SCN7A: variants seen among roughly 807,000 people sequenced by gnomAD.
The protein encoded by SCN7A is sodium voltage-gated channel alpha subunit 7.
In SCN7A, 138 loss-of-function variants were observed where a neutral mutation model predicts 155.2. That is an observed-to-expected ratio of 0.89 (90% CI 0.77 to 1.02). The LOEUF (loss-of-function observed/expected upper bound fraction) is 1.02, where lower values mean the gene tolerates loss of function less well. SCN7A is among the 50% of genes least tolerant of loss of function. The probability of loss-of-function intolerance (pLI) is 0.00; values close to 1 mark genes in which losing one functional copy is unlikely to be tolerated. For synonymous variants in SCN7A, 693 were observed against 649.0 expected, an observed-to-expected ratio of 1.07 and a Z score of -1.03; for missense variants, 2,058 against 1,986.6, an observed-to-expected ratio of 1.04 and a Z score of -0.68.
At chr2:166,487,679 C>G (rs1703082847) in intron 1 of SCN7A, among the ~76,000 whole-genome samples, 1 of 152,178 alleles carries the variant, frequency 6.6e-6, no homozygotes, top group Non-Finnish European at 1.5e-5. Flanking sequence ...ATAGAATTGT[C>G]GAATGTTCTA....
intron 18 of SCN7A, among the ~76,000 whole-genome samples, chr2:166,425,211 C>T (rs1701597524): frequency 1.3e-5 from 2 of 152,082 alleles, no homozygotes; most frequent in Admixed American, 1.3e-4. Context: ...CTTTTAAAAA[C>T]TCTCTTTAAG....
At chr2:166,423,226 C>T in intron 19 of SCN7A, 33 bp downstream of exon 19, 1 of 1,583,230 alleles carries the variant, frequency 6.3e-7, no homozygotes, top group Non-Finnish European at 8.6e-7. Flanking sequence ...AAAAGTAAAT[C>T]AAATAGCCTT....
At chr2:166,485,519 C>T (rs1022697281) in intron 2 of SCN7A, among the ~76,000 whole-genome samples, 1 of 152,050 alleles carries the variant, frequency 6.6e-6, no homozygotes, top group Non-Finnish European at 1.5e-5. Context: ...AGTTGAAACA[C>T]TAGAAAAGGA....
At chr2:166,461,338 AT>A (rs1269109149) in intron 10 of SCN7A, among the ~76,000 whole-genome samples, 6 of 152,182 alleles carry the variant, frequency 3.9e-5, no homozygotes. Context: ...TGCTTTGAAA[AT>A]AACACTATTT....
At chr2:166,428,653 A>G (rs1296557132) in intron 17 of SCN7A, among the ~76,000 whole-genome samples, 1 of 152,006 alleles carries the variant, frequency 6.6e-6, no homozygotes, top group African/African-American at 2.4e-5. Flanking sequence ...TTTATTTTGG[A>G]ATTTTGTCTT....
intron 24 of SCN7A, 41 bp from the exon 25 acceptor site, chr2:166,409,976 G>A (rs1381105090): frequency 2.7e-6 from 4 of 1,461,538 alleles, no homozygotes; most frequent in Non-Finnish European, 3.7e-6. Context: ...TTATTAATAG[G>A]ATACATATAC....
chr2:166,406,381 A>C lies in SCN7A; in HGVS notation c.4248T>G (p.Asn1416Lys). The change falls in exon 26 of 26, where the codon AAT becomes AAG. Residue 1416 changes from asparagine to lysine, a missense_variant. Asn to Lys is a moderately conservative substitution (Grantham distance 94, BLOSUM62 0). Coordinates refer to ENST00000643258, the MANE Select transcript of SCN7A (RefSeq NM_002976.4). ...KKEAGINDVS[N>K]FETFGNSMLC... Reference sequence around the variant, plus strand: ...GCATACTGTTGCCAAAGGTTTCAAAATTAGACACATCATTAATTCCAGCTT... The same window carrying C: ...GCATACTGTTGCCAAAGGTTTCAAACTTAGACACATCATTAATTCCAGCTT... 1.2e-6 allele frequency: 2 copies of C among 1,613,136 alleles called. No individual in the cohort carries two copies. The highest frequency in any genetic ancestry group is 2.2e-5 in the South Asian group (2 of 91,062).
rs1296762129 is a variant in SCN7A at position 166,456,967 on chromosome 2, T to C, written c.1193A>G (p.Glu398Gly). Reference protein sequence around the residue: ...LFLGILAMAYEEEKQRVGEIS... With the variant: ...LFLGILAMAYGEEKQRVGEIS... ...TTCACCAACTCTCTGCTTTTCTTCT[T>C]CATAGGCCATGGCAAGTATGCCTAA... is the stretch of plus-strand genomic sequence containing the variant. The change falls in exon 11 of 26, where the codon GAA (glutamate) becomes GGA (glycine). Residue 398 changes from glutamate (E) to glycine (G), a missense_variant. Physicochemically the swap from Glu to Gly is moderately conservative, Grantham distance 98. Transcript: ENST00000643258. 1 of 1,602,470 alleles carries C rather than the reference T, an allele frequency of 6.2e-7. No homozygotes were observed. Among genetic ancestry groups the C allele is most frequent in the Non-Finnish European group, 8.5e-7 (1 of 1,174,294 alleles).
chr2:166,487,696 A>G (rs1703083419), intron 1 of SCN7A, among the ~76,000 whole-genome samples: 4 of 152,232 alleles, frequency 2.6e-5, no homozygotes, highest in Admixed American at 2.0e-4. Flanking sequence ...TCTATTCTAT[A>G]TTAAATATAT....
intron 22 of SCN7A, 132 bp from the exon 23 acceptor site, chr2:166,412,799 GT>G: frequency 1.5e-6 from 2 of 1,328,596 alleles, no homozygotes; most frequent in Non-Finnish European, 2.0e-6. Flanking sequence ...CTTTTTTGCT[GT>G]TTGGTAAAAG....
chr2:166,445,148 T>G, intron 12 of SCN7A, 148 bp from the exon 13 acceptor site: 1 of 594,786 alleles, frequency 1.7e-6, no homozygotes, highest in Non-Finnish European at 3.0e-6. Flanking sequence ...AAACTTTGTC[T>G]CTACAAAAAA....
chr2:166,409,512 G>T (rs145202399), intron 25 of SCN7A, among the ~76,000 whole-genome samples, 153 bp downstream of exon 25: 1 of 151,960 alleles, frequency 6.6e-6, no homozygotes, highest in African/African-American at 2.4e-5. Context: ...AAGCATTCCT[G>T]TTGAAAATAA....
chr2:166,433,637 G>T (rs1701778876), intron 15 of SCN7A, among the ~76,000 whole-genome samples: 1 of 152,076 alleles, frequency 6.6e-6, no homozygotes, highest in East Asian at 1.9e-4. Flanking sequence ...TCTCACCCAA[G>T]GTGAGCAAAT....
chr2:166,437,457 T>C (rs184500816), intron 15 of SCN7A, among the ~76,000 whole-genome samples: 304 of 152,174 alleles, frequency 2.0e-3, no homozygotes, highest in African/African-American at 6.9e-3. Context: ...GCTATGGCAG[T>C]GTGGAAAAGA....
At chr2:166,414,663 C>G (rs1271680884) in intron 21 of SCN7A, 2 of 142,162 alleles carry the variant, frequency 1.4e-5, no homozygotes, top group African/African-American at 5.2e-5. Context: ...TGTGAGCTCA[C>G]CATATGTTCA....
chr2:166,430,468 T>C (rs34922318), intron 16 of SCN7A, among the ~76,000 whole-genome samples: 6,431 of 151,988 alleles, frequency 0.042, 182 homozygotes, highest in Middle Eastern at 0.12. Flanking sequence ...AACATAATAT[T>C]TGACAGTAAT....
In SCN7A at chr2:166,406,453, G is replaced by T; in HGVS notation, c.4176C>A (p.Phe1392Leu). The T allele has an allele frequency of 6.2e-7, 1 of 1,612,888 alleles. No homozygotes were observed. The highest frequency in any genetic ancestry group is 1.1e-5 in the South Asian group (1 of 91,046). ...TATACATTCCAAATACGGCATAGAT[G>T]AACATGACCAGGAAGATGAGAAGAA... ...NIILLIFLVM[F>L]IYAVFGMYNF... The change falls in exon 26 of 26, where the codon TTC becomes TTA. Residue 1392 changes from phenylalanine (F) to leucine (L), a missense_variant. By Grantham distance (22) the Phe-to-Leu change is conservative. Transcript: ENST00000643258.
chr2:166,430,878 TAAG>T (rs960826476), intron 16 of SCN7A, among the ~76,000 whole-genome samples: 2 of 152,072 alleles, frequency 1.3e-5, no homozygotes, highest in African/African-American at 2.4e-5. Context: ...ATCAATATCC[TAAG>T]TAGTCATGGG....
Position 166,429,202 on chromosome 2 carries a change from A to C in SCN7A, c.2665T>G (p.Tyr889Asp). The C allele has an allele frequency of 6.5e-7, 1 of 1,546,036 alleles. No individual in the cohort carries two copies. Among genetic ancestry groups the C allele is most frequent in the Admixed American group, 2.0e-5 (1 of 49,070 alleles). The change falls in exon 17 of 26, where the codon TAT becomes GAT. Residue 889 changes from tyrosine to aspartate, a missense_variant. Transcript: ENST00000643258. ...AGATGCTTTGATCTTTCACCTCCAT[A>C]GAACATTTCTTCTTCTTCAGAGATA... is the stretch of plus-strand genomic sequence containing the variant. ...IAISEEEEMF[Y>D]GGERSKHLKN... is the part of the protein sequence containing the mutation.
Sources: allele counts gnomAD v4.1 joint callset (sites outside exome capture counted in the v4.1 genomes callset), GRCh38; gene constraint gnomAD v4.1.1; transcripts MANE v1.5; gene names NCBI Gene and HGNC (gene_info 2026-07-23, HGNC 2026-07-21).